NALCN: variants seen among roughly 807,000 people sequenced by gnomAD.
NALCN encodes the protein sodium leak channel NALCN.
Under a neutral mutation model 225.3 loss-of-function variants are expected in NALCN, and 111 were observed. That is an observed-to-expected ratio of 0.49 (90% confidence interval 0.42 to 0.58). The LOEUF is 0.58. NALCN is among the 20% of genes least tolerant of loss of function. The pLI, the probability that NALCN is intolerant of heterozygous loss-of-function variation, is 0.00. For synonymous variants in NALCN, 764 were observed against 769.0 expected (o/e 0.99, Z 0.11); for missense variants, 1,378 against 2,202.4 (o/e 0.63, Z 7.49).
intron 13 of NALCN, among the ~76,000 whole-genome samples, chr13:101,193,606 T>C (rs553284906): frequency 3.2e-4 from 49 of 152,310 alleles, no homozygotes; most frequent in African/African-American, 1.1e-3. Context: ...TTGTTATTGA[T>C]ACTTGACCGC....
chr13:101,238,390 G>A (rs2041641239), intron 11 of NALCN, among the ~76,000 whole-genome samples: 1 of 151,728 alleles, frequency 6.6e-6, no homozygotes, highest in African/African-American at 2.4e-5. Context: ...TAGGCCACAT[G>A]GCAAAAGAGA....
intron 7 of NALCN, among the ~76,000 whole-genome samples, chr13:101,334,424 A>G (rs9513883): frequency 0.17 from 22,347 of 134,146 alleles, 1,890 homozygotes; most frequent in East Asian, 0.4. Context: ...ACATTCAAGA[A>G]GAGAATGGAG....
chr13:101,413,461 G>C (rs1407338620), intron 1 of NALCN, among the ~76,000 whole-genome samples: 1 of 152,006 alleles, frequency 6.6e-6, no homozygotes, highest in Non-Finnish European at 1.5e-5. Flanking sequence ...TTAAATATAT[G>C]AGGCTGTATT....
intron 15 of NALCN, among the ~76,000 whole-genome samples, chr13:101,155,385 A>C (rs1271742503): frequency 1.3e-5 from 2 of 152,126 alleles, no homozygotes; most frequent in Non-Finnish European, 2.9e-5. Context: ...AATTCCTCTA[A>C]TTCTTCTTGT....
chr13:101,174,643 T>C (rs1300791982), intron 15 of NALCN, among the ~76,000 whole-genome samples: 1 of 152,224 alleles, frequency 6.6e-6, no homozygotes, highest in Admixed American at 6.5e-5. Flanking sequence ...AAAGTATCCT[T>C]AGGTTTGAAT....
chr13:101,083,867 A>G (rs1195192257), intron 30 of NALCN, 63 bp from the exon 31 acceptor site: 3 of 1,501,594 alleles, frequency 2.0e-6, no homozygotes, highest in African/African-American at 2.7e-5. Flanking sequence ...AGAACATGGC[A>G]GATGGGGTGC....
chr13:101,060,981 T>C (rs758910575), intron 41 of NALCN, among the ~76,000 whole-genome samples: 1 of 152,234 alleles, frequency 6.6e-6, no homozygotes, highest in Non-Finnish European at 1.5e-5. Flanking sequence ...GAAATACATG[T>C]GTCTGCAATT....
chr13:101,133,884 T>C (rs771772941), intron 17 of NALCN, among the ~76,000 whole-genome samples: 31 of 152,142 alleles, frequency 2.0e-4, no homozygotes, highest in Admixed American at 1.9e-3. Flanking sequence ...GATTTCTTAT[T>C]GTAGGCCAGG....
At chr13:101,296,355 T>C (rs2043755612) in intron 7 of NALCN, among the ~76,000 whole-genome samples, 2 of 152,326 alleles carry the variant, frequency 1.3e-5, no homozygotes, top group South Asian at 4.1e-4. Flanking sequence ...TTCCTCAATA[T>C]TAATACTGCA....
In NALCN at chr13:101,297,616, C is replaced by T. The variant is rs772607671; in HGVS notation, c.800-5250G>A. The stretch of plus-strand genomic sequence containing the variant: ...CCTTTGGGAACCTCTCTTGGGCTTG[C>T]AAGGCACAACAAGCTATAGGAGTCT... On this transcript the variant is annotated intron_variant, in intron 7 of 43. Coordinates refer to ENST00000251127, the MANE Select transcript of NALCN (RefSeq NM_052867.4). Among the ~76,000 whole-genome samples, 121 of 152,176 alleles carry T rather than the reference C, an allele frequency of 8.0e-4. 1 individual carries two copies. Among genetic ancestry groups the T allele is most frequent in the Non-Finnish European group, 3.1e-4 (21 of 68,024 alleles).
intron 41 of NALCN, among the ~76,000 whole-genome samples, chr13:101,060,780 G>C (rs1234329511): frequency 1.3e-5 from 2 of 152,204 alleles, no homozygotes; most frequent in African/African-American, 4.8e-5. Flanking sequence ...GTCAATCCAG[G>C]AGACCAATCT....
At chr13:101,230,095 G>A (rs947865814) in intron 12 of NALCN, among the ~76,000 whole-genome samples, 2 of 152,094 alleles carry the variant, frequency 1.3e-5, no homozygotes, top group African/African-American at 4.8e-5. Context: ...TGTATTTGAG[G>A]TGTTTATAAA....
intron 3 of NALCN, among the ~76,000 whole-genome samples, chr13:101,391,727 G>A (rs2047150723): frequency 6.6e-6 from 1 of 151,548 alleles, no homozygotes; most frequent in Non-Finnish European, 1.5e-5. Flanking sequence ...GCTCACGCCT[G>A]TAATCCCAGC....
intron 6 of NALCN, among the ~76,000 whole-genome samples, chr13:101,349,888 C>T (rs1221984327): frequency 6.6e-6 from 1 of 152,254 alleles, no homozygotes; most frequent in East Asian, 1.9e-4. Flanking sequence ...ATTTGAAATC[C>T]TAAACCAGAG....
At chr13:101,107,465 G>T (rs763233114) in intron 22 of NALCN, 22 bp downstream of exon 22, 2 of 1,613,684 alleles carry the variant, frequency 1.2e-6, no homozygotes. Context: ...CCAAACACCT[G>T]GCTGAAATGA....
chr13:101,199,338 A>G (rs2040018315), intron 13 of NALCN, among the ~76,000 whole-genome samples: 1 of 151,740 alleles, frequency 6.6e-6, no homozygotes, highest in Non-Finnish European at 1.5e-5. Flanking sequence ...TGCTATAAAG[A>G]CACATGCACA....
At chr13:101,371,776 C>CCACACT (rs1332287875) in intron 6 of NALCN, among the ~76,000 whole-genome samples, 2 of 152,240 alleles carry the variant, frequency 1.3e-5, no homozygotes, top group African/African-American at 4.8e-5. Context: ...ACCAGTTGGT[C>CCACACT]CACACTCTCT....
chr13:101,277,449 T>C (rs1019658395), intron 10 of NALCN, among the ~76,000 whole-genome samples: 1 of 152,192 alleles, frequency 6.6e-6, no homozygotes, highest in African/African-American at 2.4e-5. Flanking sequence ...TATATAATCT[T>C]TGTGATCTAA....
chr13:101,174,301 G>T (rs182219234), intron 15 of NALCN, among the ~76,000 whole-genome samples: 1 of 152,262 alleles, frequency 6.6e-6, no homozygotes, highest in African/African-American at 2.4e-5. Flanking sequence ...GGTCCAAATT[G>T]TAGGCTAGTG....
Sources: allele counts gnomAD v4.1 joint callset (sites outside exome capture counted in the v4.1 genomes callset), GRCh38; gene constraint gnomAD v4.1.1; transcripts MANE v1.5; gene names NCBI Gene and HGNC (gene_info 2026-07-23, HGNC 2026-07-21).